Variants in ASTN2 observed in about 807,000 individuals in gnomAD.
ASTN2 encodes astrotactin-2.
Under a neutral mutation model 139.8 loss-of-function variants are expected in ASTN2, and 54 were observed. The ratio of observed to expected loss-of-function variants is 0.39; its 90% CI spans 0.31 to 0.48. The LOEUF is 0.48. ASTN2 is among the 20% of genes least tolerant of loss of function. The probability of loss-of-function intolerance (pLI) is 0.95; values close to 1 mark genes in which losing one functional copy is unlikely to be tolerated. For missense variants in ASTN2, 1,565 were observed against 1,725.1 expected, an observed-to-expected ratio of 0.91 and a Z score of 1.64; for synonymous variants, 756 against 719.5, an observed-to-expected ratio of 1.05 and a Z score of -0.81.
chr9:116,619,727 T>C (rs1856035456), intron 18 of ASTN2, among the ~76,000 whole-genome samples: 1 of 135,958 alleles, frequency 7.4e-6, no homozygotes, highest in Admixed American at 8.1e-5. Context: ...AGACGAGGTC[T>C]CATTATGTTG....
intron 3 of ASTN2, among the ~76,000 whole-genome samples, chr9:117,192,378 A>C (rs1831372214): frequency 1.4e-5 from 2 of 140,508 alleles, no homozygotes; most frequent in East Asian, 2.2e-4. Context: ...TTGGTTTGTC[A>C]ATCAGTGGCA....
chr9:117,261,461 T>C (rs1232342397), intron 2 of ASTN2, among the ~76,000 whole-genome samples: 1 of 152,220 alleles, frequency 6.6e-6, no homozygotes. Context: ...GATTCCACTT[T>C]CATGGCTATG....
intron 6 of ASTN2, among the ~76,000 whole-genome samples, chr9:117,016,655 TAA>T (rs1837707691): frequency 1.5e-4 from 3 of 20,572 alleles, no homozygotes; most frequent in Non-Finnish European, 5.2e-4. Flanking sequence ...TATATATATA[TAA>T]CCTATATATA....
chr9:117,182,017 C>T (rs554879020), intron 3 of ASTN2, among the ~76,000 whole-genome samples: 1 of 152,116 alleles, frequency 6.6e-6, no homozygotes, highest in Non-Finnish European at 1.5e-5. Flanking sequence ...TGTCCCTGCT[C>T]AACTGGGCCC....
At chr9:116,895,675 T>A (rs1833864151) in intron 10 of ASTN2, among the ~76,000 whole-genome samples, 1 of 152,226 alleles carries the variant, frequency 6.6e-6, no homozygotes, top group African/African-American at 2.4e-5. Flanking sequence ...GTATTGATTT[T>A]CTGCTTAGAT....
At chr9:117,332,812 G>A (rs1213636233) in intron 1 of ASTN2, among the ~76,000 whole-genome samples, 1 of 152,280 alleles carries the variant, frequency 6.6e-6, no homozygotes, top group African/African-American at 2.4e-5. Context: ...TGGGATATTA[G>A]TTGGCCTTAA....
intron 1 of ASTN2, among the ~76,000 whole-genome samples, chr9:117,329,770 A>T (rs916055306): frequency 6.6e-6 from 1 of 152,152 alleles, no homozygotes; most frequent in African/African-American, 2.4e-5. Flanking sequence ...AAGATAGACG[A>T]CTGTGATGAA....
At chr9:116,948,306 T>C (rs888638797) in intron 10 of ASTN2, among the ~76,000 whole-genome samples, 1 of 152,216 alleles carries the variant, frequency 6.6e-6, no homozygotes, top group Non-Finnish European at 1.5e-5. Flanking sequence ...ATTCATTTAT[T>C]AGTGCATATC....
In ASTN2 at chr9:116,650,909, C is replaced by T. The variant is rs532108267; in HGVS notation, c.3072+619G>A. On this transcript the variant is annotated intron_variant, in intron 17 of 22. Coordinates refer to ENST00000313400, the MANE Select transcript of ASTN2 (RefSeq NM_001365068.1). ...TGCAGCACAAGGAACAGGCTGAGTCCCTGCACTACTTTTTTTTTTTTTTTT... is the reference window on the plus strand; with the variant it reads ...TGCAGCACAAGGAACAGGCTGAGTCTCTGCACTACTTTTTTTTTTTTTTTT... Among the ~76,000 whole-genome samples the T allele has an allele frequency of 1.2e-4, 18 of 151,234 alleles. No individual in the cohort carries two copies. The East Asian group carries it at 3.5e-3, about 29-fold the overall frequency.
Position 117,058,928 on chromosome 9 carries a change from G to A in ASTN2, c.1277-18963C>T, listed in dbSNP as rs986702476. Among the ~76,000 whole-genome samples, 12 of 152,224 alleles carry A rather than the reference G, an allele frequency of 7.9e-5. 1 individual carries two copies. The highest frequency in any genetic ancestry group is 2.7e-4 in the African/African-American group (11 of 41,464). Reference sequence around the variant, plus strand: ...AAGGCAGTGAGTGACATGAGATGGGGCTGGAGAGGTAAGCAAAGGCATGCA... The same window carrying A: ...AAGGCAGTGAGTGACATGAGATGGGACTGGAGAGGTAAGCAAAGGCATGCA... On this transcript the variant is annotated intron_variant, in intron 5 of 22. Coordinates refer to ENST00000313400, the MANE Select transcript of ASTN2 (RefSeq NM_001365068.1).
chr9:116,680,607 T>C (rs533652553), intron 16 of ASTN2, among the ~76,000 whole-genome samples: 110 of 152,326 alleles, frequency 7.2e-4, no homozygotes, highest in African/African-American at 2.5e-3. Flanking sequence ...TTGATAAACA[T>C]TGATGCAAAA....
At chr9:116,684,409 T>C (rs541278990) in intron 16 of ASTN2, among the ~76,000 whole-genome samples, 58 of 152,336 alleles carry the variant, frequency 3.8e-4, no homozygotes, top group African/African-American at 1.4e-3. Context: ...TGTTGTTAGC[T>C]GTCCTTGAGT....
At chr9:117,319,056 G>C (rs1025981473) in intron 1 of ASTN2, among the ~76,000 whole-genome samples, 8 of 152,142 alleles carry the variant, frequency 5.3e-5, no homozygotes, top group Non-Finnish European at 8.8e-5. Flanking sequence ...CTCTTCCAAA[G>C]GTGAACAATT....
chr9:116,468,356 C>T (rs991847733), intron 20 of ASTN2, among the ~76,000 whole-genome samples: 17 of 152,138 alleles, frequency 1.1e-4, no homozygotes, highest in African/African-American at 4.1e-4. Flanking sequence ...GTACATAGGA[C>T]GTGTTAGGAG....
chr9:117,165,339 G>C (rs191295985), intron 3 of ASTN2, among the ~76,000 whole-genome samples: 7 of 152,182 alleles, frequency 4.6e-5, no homozygotes, highest in African/African-American at 1.7e-4. Context: ...AGAGCAAATG[G>C]AGGCTCAAGA....
chr9:116,532,208 G>A (rs184022998), intron 19 of ASTN2, among the ~76,000 whole-genome samples: 78 of 152,162 alleles, frequency 5.1e-4, no homozygotes, highest in African/African-American at 1.8e-3. Flanking sequence ...CTTGCTGATG[G>A]GTTGTTTTTT....
chr9:117,179,068 A>G (rs187730853), intron 3 of ASTN2, among the ~76,000 whole-genome samples: 104 of 152,344 alleles, frequency 6.8e-4, no homozygotes, highest in African/African-American at 2.2e-3. Context: ...AACAGTCTAT[A>G]TGACACACCA....
intron 11 of ASTN2, among the ~76,000 whole-genome samples, chr9:116,839,777 TCTC>T (rs1832137524): frequency 1.3e-5 from 2 of 150,960 alleles, no homozygotes; most frequent in East Asian, 3.9e-4. Context: ...ATCAAGCAAT[TCTC>T]CTTCCTCAGC....
chr9:117,292,762 T>C (rs1834626303), intron 1 of ASTN2, among the ~76,000 whole-genome samples: 1 of 152,022 alleles, frequency 6.6e-6, no homozygotes, highest in Admixed American at 6.5e-5. Context: ...TACAGCAACT[T>C]ATCCAATCAG....
Sources: allele counts gnomAD v4.1 joint callset (sites outside exome capture counted in the v4.1 genomes callset), GRCh38; gene constraint gnomAD v4.1.1; transcripts MANE v1.5; gene names NCBI Gene and HGNC (gene_info 2026-07-23, HGNC 2026-07-21).